The following FOXP1 variants were observed in gnomAD, a reference collection of about 807,000 sequenced individuals.
FOXP1 encodes the protein forkhead box protein P1.
Under a neutral mutation model 98.2 loss-of-function variants are expected in FOXP1, and 15 were observed. That is an observed-to-expected ratio of 0.15 (90% CI 0.10 to 0.24). The LOEUF is 0.24. Among genes scored for constraint, FOXP1 ranks in the 10% least tolerant of loss-of-function variants. FOXP1 has a pLI of 1.00. For missense variants in FOXP1, 633 were observed against 848.5 expected, an observed-to-expected ratio of 0.75 and a Z score of 3.15; for synonymous variants, 371 against 314.5, an observed-to-expected ratio of 1.18 and a Z score of -1.90.
At chr3:71,280,377 G>A (rs1357749228) in intron 5 of FOXP1, among the ~76,000 whole-genome samples, 1 of 150,548 alleles carries the variant, frequency 6.6e-6, no homozygotes, top group Non-Finnish European at 1.5e-5. Flanking sequence ...CTGGAGTGCA[G>A]TGGTGCGATC....
intron 4 of FOXP1, among the ~76,000 whole-genome samples, chr3:71,347,309 A>T (rs2077426843): frequency 6.6e-6 from 1 of 152,208 alleles, no homozygotes; most frequent in South Asian, 2.1e-4. Flanking sequence ...ACAACCAGCC[A>T]TACCTGCTCC....
intron 11 of FOXP1, chr3:71,040,228 A>AAAT (rs2048163889): frequency 6.6e-6 from 1 of 152,114 alleles, no homozygotes; most frequent in African/African-American, 2.4e-5. Context: ...ATATTTTGAG[A>AAAT]AATATATGAA....
intron 6 of FOXP1, among the ~76,000 whole-genome samples, chr3:71,162,499 T>C (rs17008291): frequency 0.023 from 3,566 of 152,352 alleles, 154 homozygotes; most frequent in African/African-American, 0.081. Context: ...TAAGACTTTT[T>C]GAATAACTGC....
At chr3:71,211,763 C>T (rs537184697) in intron 5 of FOXP1, among the ~76,000 whole-genome samples, 1 of 152,162 alleles carries the variant, frequency 6.6e-6, no homozygotes, top group Non-Finnish European at 1.5e-5. Flanking sequence ...AAGGTTGTGG[C>T]ATCTTAGTGG....
intron 7 of FOXP1, among the ~76,000 whole-genome samples, chr3:71,087,358 AACG>A (rs1314808328): frequency 3.9e-5 from 6 of 152,220 alleles, no homozygotes; most frequent in South Asian, 2.1e-4. Flanking sequence ...TTGATCAAAC[AACG>A]ACAACAAAAT....
At chr3:71,301,667 T>C (rs2073856577) in intron 4 of FOXP1, among the ~76,000 whole-genome samples, 1 of 152,204 alleles carries the variant, frequency 6.6e-6, no homozygotes, top group Admixed American at 6.5e-5. Context: ...GCAGATGAGA[T>C]TTGCCATCAT....
chr3:71,311,169 G>A (rs575416307), intron 4 of FOXP1, among the ~76,000 whole-genome samples: 1 of 152,202 alleles, frequency 6.6e-6, no homozygotes, highest in African/African-American at 2.4e-5. Context: ...ACTGCAGCCT[G>A]GAACTAACTA....
intron 6 of FOXP1, among the ~76,000 whole-genome samples, chr3:71,119,186 G>T (rs986652028): frequency 6.6e-6 from 1 of 152,224 alleles, no homozygotes; most frequent in Non-Finnish European, 1.5e-5. Context: ...ATCTGAAACT[G>T]TTTAAAACTT....
Position 70,975,343 on chromosome 3 carries a change from T to TAAGA in FOXP1, c.1530+1594_1530+1597dup, listed in dbSNP as rs2037276233. 2.0e-5 allele frequency among the ~76,000 whole-genome samples: 3 copies of TAAGA among 152,252 alleles called. No homozygotes were observed. The South Asian group carries it at 6.2e-4, about 32-fold the overall frequency. ...CCAAGGCAGGCTGAGGCAAAGAGGG[T>TAAGA]AAGATTTTGAACATAGGTTCCCTTC... On this transcript the variant is annotated intron_variant, in intron 17 of 20. Transcript: ENST00000649528.
intron 7 of FOXP1, among the ~76,000 whole-genome samples, chr3:71,065,109 C>T (rs1220642097): frequency 2.7e-5 from 4 of 150,282 alleles, no homozygotes; most frequent in Non-Finnish European, 4.4e-5. Context: ...GCCCCCTCCG[C>T]GCGGCAGGTG....
At chr3:71,525,454 T>C (rs1025302387) in intron 2 of FOXP1, among the ~76,000 whole-genome samples, 2 of 152,208 alleles carry the variant, frequency 1.3e-5, no homozygotes, top group Non-Finnish European at 2.9e-5. Context: ...CATACACAGA[T>C]TTCAAGTCCT....
intron 17 of FOXP1, among the ~76,000 whole-genome samples, chr3:70,973,844 C>CA (rs2036912358): frequency 9.3e-6 from 1 of 108,080 alleles, no homozygotes; most frequent in South Asian, 5.4e-4. Flanking sequence ...CGCCCCCCCC[C>CA]CCCCACCCCC....
At chr3:71,562,924 T>G (rs913449687) in intron 2 of FOXP1, among the ~76,000 whole-genome samples, 1 of 152,192 alleles carries the variant, frequency 6.6e-6, no homozygotes. Flanking sequence ...CTCCCACTCA[T>G]GCAATCGCTC....
intron 2 of FOXP1, among the ~76,000 whole-genome samples, chr3:71,506,197 T>C (rs1274757623): frequency 3.3e-5 from 5 of 152,206 alleles, no homozygotes; most frequent in African/African-American, 1.2e-4. Context: ...GCTTCGGCAG[T>C]GTTGGGAGTT....
chr3:71,388,357 T>C (rs1326051713), intron 3 of FOXP1, among the ~76,000 whole-genome samples: 1 of 152,256 alleles, frequency 6.6e-6, no homozygotes, highest in Non-Finnish European at 1.5e-5. Context: ...TTTCTACTAA[T>C]GAAGAAAATT....
intron 3 of FOXP1, among the ~76,000 whole-genome samples, chr3:71,377,424 T>C (rs1305893876): frequency 1.3e-5 from 2 of 152,178 alleles, no homozygotes; most frequent in Non-Finnish European, 1.5e-5. Context: ...CTAAGAACTA[T>C]TTTTACATAA....
At chr3:71,417,355 A>T (rs2108307097) in intron 3 of FOXP1, among the ~76,000 whole-genome samples, 1 of 152,290 alleles carries the variant, frequency 6.6e-6, no homozygotes, top group Non-Finnish European at 1.5e-5. Context: ...TTATCTCTGT[A>T]TTTGAGCTTG....
At chr3:71,211,991 T>A (rs925677681) in intron 5 of FOXP1, among the ~76,000 whole-genome samples, 3 of 152,214 alleles carry the variant, frequency 2.0e-5, no homozygotes, top group African/African-American at 7.2e-5. Context: ...ATGCATGTTA[T>A]AAAACCTAAC....
intron 12 of FOXP1, among the ~76,000 whole-genome samples, chr3:71,010,832 C>T (rs980099943): frequency 6.5e-5 from 9 of 138,230 alleles, no homozygotes; most frequent in Admixed American, 2.9e-4. Context: ...AATAACCCCC[C>T]CTCCCCCCCC....
Sources: allele counts gnomAD v4.1 joint callset (sites outside exome capture counted in the v4.1 genomes callset), GRCh38; gene constraint gnomAD v4.1.1; transcripts MANE v1.5; gene names NCBI Gene and HGNC (gene_info 2026-07-23, HGNC 2026-07-21).